CNOT4: variants seen among roughly 807,000 people sequenced by gnomAD.
CNOT4 encodes CCR4-associated factor 4.
CNOT4 carries 8 observed loss-of-function variants against 73.8 expected under a neutral mutation model. The observed-to-expected ratio is 0.11, with a 90% CI of 0.06 to 0.20. CNOT4 has a LOEUF of 0.20. Ranked by LOEUF, CNOT4 falls within the 10% of genes least tolerant of loss-of-function variation. The pLI is 1.00. For missense variants in CNOT4, 564 were observed against 883.4 expected (o/e 0.64, Z 4.58); for synonymous variants, 293 against 321.1 (o/e 0.91, Z 0.94).
chr7:135,499,892 G>T (rs1803851022), intron 1 of CNOT4, among the ~76,000 whole-genome samples: 1 of 152,048 alleles, frequency 6.6e-6, no homozygotes, highest in South Asian at 2.1e-4. Context: ...CAAGGAGAAG[G>T]CAATGGCTTT....
rs556646110 is a variant in CNOT4 at position 135,460,965 on chromosome 7, A to G, written c.-92-22542T>C. 4.6e-5 allele frequency among the ~76,000 whole-genome samples: 7 copies of G among 152,326 alleles called. No homozygotes were observed. The South Asian group carries it at 1.4e-3, about 32-fold the overall frequency. ...TAGGCACATACAATCTCTGTTCTAT[A>G]TTCTTTGTTTTGTTTTTACAAACCT... On this transcript the variant is annotated intron_variant, in intron 1 of 11. Coordinates refer to ENST00000541284, the MANE Select transcript of CNOT4 (RefSeq NM_001190850.2).
chr7:135,479,671 G>A (rs1043673867), intron 1 of CNOT4, among the ~76,000 whole-genome samples: 13 of 152,134 alleles, frequency 8.5e-5, no homozygotes, highest in African/African-American at 2.9e-4. Context: ...GCGGAGGCAG[G>A]AGGATGGCTT....
intron 1 of CNOT4, among the ~76,000 whole-genome samples, chr7:135,453,848 T>TA (rs758202164): frequency 0.061 from 7,104 of 116,652 alleles, 307 homozygotes; most frequent in African/African-American, 0.095. Context: ...ATATATATAT[T>TA]ATATATATAG....
At chr7:135,492,177 T>C (rs1803155028) in intron 1 of CNOT4, among the ~76,000 whole-genome samples, 1 of 152,088 alleles carries the variant, frequency 6.6e-6, no homozygotes, top group Admixed American at 6.6e-5. Context: ...GAGGGGAGAC[T>C]GAATGGACTA....
chr7:135,380,272 ATTTTGTAATATTAGAGATGTCACCAGTC>A (rs1795772123), intron 10 of CNOT4, among the ~76,000 whole-genome samples: 1 of 152,026 alleles, frequency 6.6e-6, no homozygotes, highest in South Asian at 2.1e-4. Context: ...GTTTTTTTCC[ATTTTGTAATATTAGAGATGTCACCAGTC>A]TAGTGGTTAT....
Position 135,361,996 on chromosome 7 carries a change from C to G in CNOT4, c.*889G>C, listed in dbSNP as rs905606845. ...AGGCAAGGAGGTCAGAGATTTGCTC[C>G]CGATGGTGATCAGATGGCCCCAGAG... is the stretch of plus-strand genomic sequence containing the variant. On this transcript the variant is annotated 3_prime_UTR_variant, in exon 12 of 12. Transcript: ENST00000541284. The G allele has an allele frequency of 2.0e-5, 3 of 152,638 alleles. No individual in the cohort carries two copies. The highest frequency in any genetic ancestry group is 7.2e-5 in the African/African-American group (3 of 41,436). 9.5% of individuals were successfully genotyped at this position (152,638 alleles called of 1,614,324 possible).
At chr7:135,465,027 A>G (rs1281866625) in intron 1 of CNOT4, among the ~76,000 whole-genome samples, 4 of 152,172 alleles carry the variant, frequency 2.6e-5, no homozygotes, top group Admixed American at 2.6e-4. Flanking sequence ...TTTATACATC[A>G]GATTGCTGTT....
At chr7:135,438,460 G>A (rs1302269810) in intron 1 of CNOT4, 37 bp from the exon 2 acceptor site, 2 of 628,664 alleles carry the variant, frequency 3.2e-6, no homozygotes, top group Non-Finnish European at 4.9e-6. Flanking sequence ...GTTTACTACT[G>A]GAAAAATGGC....
At chr7:135,410,752 T>G (rs919542400) in intron 6 of CNOT4, 104 bp from the exon 7 acceptor site, 1 of 653,542 alleles carries the variant, frequency 1.5e-6, no homozygotes, top group East Asian at 6.8e-5. Flanking sequence ...ATAAAATAAA[T>G]AATATTTTTA....
rs979693673 is a variant in CNOT4, at chr7:135,402,041, C to T, written c.822-3815G>A. Among the ~76,000 whole-genome samples, 2 of 150,762 alleles carry T rather than the reference C, an allele frequency of 1.3e-5. 1 individual carries two copies. Among genetic ancestry groups the T allele is most frequent in the South Asian group, 4.1e-4 (2 of 4,826 alleles). On this transcript the variant is annotated intron_variant, in intron 7 of 11. Coordinates refer to ENST00000541284, the MANE Select transcript of CNOT4 (RefSeq NM_001190850.2). ...TCAAAAACATGTATTTTCATACAAACGATCTAATTTTTTCCTTTTTTTTAA... is the reference window on the plus strand; with the variant it reads ...TCAAAAACATGTATTTTCATACAAATGATCTAATTTTTTCCTTTTTTTTAA...
chr7:135,437,894 G>A (rs1375327260), intron 2 of CNOT4, among the ~76,000 whole-genome samples: 3 of 151,782 alleles, frequency 2.0e-5, no homozygotes, highest in Admixed American at 6.6e-5. Flanking sequence ...CTTTCTCCTC[G>A]GATAAAACAA....
In CNOT4 at chr7:135,410,628, A is replaced by G; in HGVS notation, c.708T>C (p.Tyr236=). 5 of 1,592,278 alleles carry G rather than the reference A, an allele frequency of 3.1e-6. No homozygotes were observed. Among genetic ancestry groups the G allele is most frequent in the Non-Finnish European group, 4.3e-6 (5 of 1,171,112 alleles). ...ATAATTCTTGAAGTAGCTTCTGTTC[A>G]TATTCTTGGTGTTTACCCGCCTAAC... The part of the protein sequence containing the change: ...EEMQAGKHQE[Y]EQKLLQELYK... Residue 236 remains tyrosine, a synonymous_variant, in exon 7 of 12, where the codon TAT becomes TAC. Coordinates refer to ENST00000541284, the MANE Select transcript of CNOT4 (RefSeq NM_001190850.2).
At position 135,391,058 on chromosome 7, in the gene CNOT4, G is replaced by C. The variant is rs181847487; in HGVS notation, c.1627+2860C>G. Among the ~76,000 whole-genome samples, 795 of 152,146 alleles carry C rather than the reference G, an allele frequency of 5.2e-3. 5 individuals are homozygous for C. The highest frequency in any genetic ancestry group is 7.1e-3 in the Non-Finnish European group (484 of 67,882). On this transcript the variant is annotated intron_variant, in intron 10 of 11. Transcript: ENST00000541284. ...GTTCAACTCAGGTGCAAGTGAGTTA[G>C]AACAGGTGCAAGTGAGTTACAACAG...
At chr7:135,415,539 CT>C (rs1446372796) in intron 3 of CNOT4, among the ~76,000 whole-genome samples, 4 of 151,972 alleles carry the variant, frequency 2.6e-5, no homozygotes, top group African/African-American at 4.8e-5. Context: ...CTCCAATAGT[CT>C]ATGGGATCTT....
rs141124692 is a variant in CNOT4, at chr7:135,385,197, T to C, written c.1627+8721A>G. Among the ~76,000 whole-genome samples, 212 of 152,350 alleles carry C rather than the reference T, an allele frequency of 1.4e-3. 2 individuals carry two copies. The East Asian group carries it at 0.037, about 27-fold the overall frequency. The stretch of plus-strand genomic sequence containing the variant: ...AAACTACATTTTTGCTAAGAACCTA[T>C]AGTTCTCTACCACTGACCACATTCA... On this transcript the variant is annotated intron_variant, in intron 10 of 11. Transcript: ENST00000541284.
At chr7:135,464,292 C>A (rs1053750354) in intron 1 of CNOT4, among the ~76,000 whole-genome samples, 1 of 152,078 alleles carries the variant, frequency 6.6e-6, no homozygotes, top group Non-Finnish European at 1.5e-5. Flanking sequence ...AACCTAAATG[C>A]CCATCAATGA....
chr7:135,387,737 A>G (rs1284305367), intron 10 of CNOT4: 1 of 981,664 alleles, frequency 1.0e-6, no homozygotes, highest in Non-Finnish European at 1.2e-6. Flanking sequence ...ATCAGTTTTA[A>G]AACTATTTCA....
intron 1 of CNOT4, among the ~76,000 whole-genome samples, chr7:135,481,289 A>G (rs1489861650): frequency 6.6e-6 from 1 of 152,156 alleles, no homozygotes; most frequent in Admixed American, 6.6e-5. Flanking sequence ...ATGAATAGAC[A>G]TTTCTTAAAA....
intron 2 of CNOT4, among the ~76,000 whole-genome samples, chr7:135,430,537 T>C (rs1798751397): frequency 6.6e-6 from 1 of 151,918 alleles, no homozygotes; most frequent in Non-Finnish European, 1.5e-5. Context: ...CCCAGCTACT[T>C]GGTAGGCTGA....
Sources: allele counts gnomAD v4.1 joint callset (sites outside exome capture counted in the v4.1 genomes callset), GRCh38; gene constraint gnomAD v4.1.1; transcripts MANE v1.5; gene names NCBI Gene and HGNC (gene_info 2026-07-23, HGNC 2026-07-21).